HACD2: variants seen among roughly 807,000 people sequenced by gnomAD.
HACD2 encodes the protein very-long-chain (3R)-3-hydroxyacyl-CoA dehydratase 2.
Under a neutral mutation model 31.0 loss-of-function variants are expected in HACD2, and 15 were observed. That is an observed-to-expected ratio of 0.48 (90% CI 0.32 to 0.75). The LOEUF is 0.75. HACD2 is among the 30% of genes least tolerant of loss of function. The pLI is 0.03. For missense variants in HACD2, 283 were observed against 313.0 expected (o/e 0.90, Z 0.72); for synonymous variants, 115 against 122.2 (o/e 0.94, Z 0.39).
At chr3:123,551,034 T>C (rs780524063) in intron 3 of HACD2, among the ~76,000 whole-genome samples, 1 of 152,124 alleles carries the variant, frequency 6.6e-6, no homozygotes, top group Non-Finnish European at 1.5e-5. Flanking sequence ...GTGGCAGCAA[T>C]GTCCTCAAGT....
At chr3:123,545,343 G>A (rs1033040148) in intron 3 of HACD2, among the ~76,000 whole-genome samples, 7 of 151,208 alleles carry the variant, frequency 4.6e-5, no homozygotes, top group Admixed American at 1.3e-4. Context: ...TTAGCTGTGC[G>A]TGGTGGCACA....
At chr3:123,520,247 C>A (rs906464441) in intron 4 of HACD2, among the ~76,000 whole-genome samples, 2 of 152,146 alleles carry the variant, frequency 1.3e-5, no homozygotes, top group Admixed American at 6.5e-5. Context: ...TTAAGGAATA[C>A]AACATACCAA....
chr3:123,543,008 A>G (rs368148845), intron 3 of HACD2, among the ~76,000 whole-genome samples: 2 of 152,294 alleles, frequency 1.3e-5, no homozygotes. Flanking sequence ...TGTTTGGGGG[A>G]AGGGTGTGTG....
intron 3 of HACD2, among the ~76,000 whole-genome samples, chr3:123,552,207 A>G (rs2056627153): frequency 6.6e-6 from 1 of 152,192 alleles, no homozygotes; most frequent in South Asian, 2.1e-4. Context: ...ACCACAGGGA[A>G]GAGACAGAGT....
chr3:123,539,335 C>T (rs1226903894), intron 3 of HACD2, among the ~76,000 whole-genome samples: 2 of 151,982 alleles, frequency 1.3e-5, no homozygotes, highest in East Asian at 1.9e-4. Context: ...TTTGGGAGGC[C>T]GAGGTGGGCA....
At chr3:123,559,145 C>T (rs1035213523) in intron 3 of HACD2, among the ~76,000 whole-genome samples, 1 of 152,164 alleles carries the variant, frequency 6.6e-6, no homozygotes, top group Non-Finnish European at 1.5e-5. Context: ...TTGCTCATTC[C>T]TCAGTTTCAG....
At chr3:123,556,787 T>TGAGCAAA (rs1238269559) in intron 3 of HACD2, among the ~76,000 whole-genome samples, 1 of 151,964 alleles carries the variant, frequency 6.6e-6, no homozygotes, top group Non-Finnish European at 1.5e-5. Flanking sequence ...AACTGAAAAA[T>TGAGCAAA]GAGCAAAGAC....
rs117469061 is a variant in HACD2, at chr3:123,550,836, T to C, written c.292+16926A>G. 4.3e-4 allele frequency among the ~76,000 whole-genome samples: 65 copies of C among 152,220 alleles called. No homozygotes were observed. In the East Asian group the frequency reaches 0.011, roughly 25 times the overall value. The stretch of plus-strand genomic sequence containing the variant: ...GCTGTGGGAAGGTACAGTGGCACCA[T>C]ACAGGGAGACTGCAGAGGGGAAGAG... On this transcript the variant is annotated intron_variant, in intron 3 of 6. Coordinates refer to ENST00000383657, the MANE Select transcript of HACD2 (RefSeq NM_198402.5).
chr3:123,494,764 T>G lies in HACD2; in HGVS notation c.*124A>C. On this transcript the variant is annotated 3_prime_UTR_variant, in exon 7 of 7. Transcript: ENST00000383657. ...TGACACTGGATTTTTGTTTTAGTTT[T>G]GTTTGAATATTTTAAAAATAGTTCT... 1.4e-6 allele frequency: 1 copy of G among 721,276 alleles called. No homozygotes were observed. The highest frequency in any genetic ancestry group is 2.4e-6 in the Non-Finnish European group (1 of 422,448). The allele number at this position is 721,276 out of a possible 1,614,324, so 44.7% of individuals were successfully genotyped here. A position where few individuals can be genotyped will look rare whatever the true frequency, so the allele number is the denominator to read the frequency against.
At chr3:123,571,133 T>C (rs1048574589) in intron 2 of HACD2, among the ~76,000 whole-genome samples, 2 of 152,364 alleles carry the variant, frequency 1.3e-5, no homozygotes, top group African/African-American at 4.8e-5. Flanking sequence ...CTAGAAATGC[T>C]GTAATGCTTA....
At chr3:123,521,814 T>C (rs1232735760) in intron 4 of HACD2, among the ~76,000 whole-genome samples, 1 of 152,218 alleles carries the variant, frequency 6.6e-6, no homozygotes, top group Non-Finnish European at 1.5e-5. Context: ...AAGTACAGTA[T>C]AAAGTGGTGG....
chr3:123,533,807 C>A (rs1216353552), intron 3 of HACD2, among the ~76,000 whole-genome samples: 1 of 152,242 alleles, frequency 6.6e-6, no homozygotes, highest in South Asian at 2.1e-4. Flanking sequence ...TAGCGTAGTT[C>A]TCAAAAATAA....
chr3:123,576,751 T>C (rs939309286), intron 2 of HACD2, among the ~76,000 whole-genome samples: 2 of 152,048 alleles, frequency 1.3e-5, no homozygotes, highest in Admixed American at 6.6e-5. Flanking sequence ...GCACAATACC[T>C]CCATGGCAAA....
At chr3:123,545,381 C>T (rs2107725194) in intron 3 of HACD2, among the ~76,000 whole-genome samples, 1 of 151,146 alleles carries the variant, frequency 6.6e-6, no homozygotes, top group East Asian at 1.9e-4. Flanking sequence ...ACTCAGGAGG[C>T]TGAGGTGGCA....
intron 3 of HACD2, among the ~76,000 whole-genome samples, chr3:123,563,010 GT>G: frequency 6.6e-6 from 1 of 152,236 alleles, no homozygotes; most frequent in African/African-American, 2.4e-5. Context: ...TTTGAAATAA[GT>G]TTTGGAAATT....
At chr3:123,540,235 C>T (rs9849778) in intron 3 of HACD2, among the ~76,000 whole-genome samples, 21,697 of 152,060 alleles carry the variant, frequency 0.14, 2,183 homozygotes, top group African/African-American at 0.28. Flanking sequence ...CCATTTCAGA[C>T]GGCCAGCTGT....
intron 3 of HACD2, among the ~76,000 whole-genome samples, chr3:123,543,215 T>C (rs2056515448): frequency 6.6e-6 from 1 of 152,206 alleles, no homozygotes; most frequent in African/African-American, 2.4e-5. Context: ...TAATGAAGTA[T>C]TGGTAGCTGA....
chr3:123,573,086 T>C (rs2056872409), intron 2 of HACD2, among the ~76,000 whole-genome samples: 2 of 152,170 alleles, frequency 1.3e-5, no homozygotes. Context: ...ACGACACTTG[T>C]TTTACGGTGC....
At chr3:123,582,072 C>T (rs2056971790) in intron 2 of HACD2, 140 bp downstream of exon 2, 3 of 453,036 alleles carry the variant, frequency 6.6e-6, no homozygotes, top group African/African-American at 2.0e-5. Context: ...GCCTAGGTAT[C>T]AACACTTTAG....
Sources: allele counts gnomAD v4.1 joint callset (sites outside exome capture counted in the v4.1 genomes callset), GRCh38; gene constraint gnomAD v4.1.1; transcripts MANE v1.5; gene names NCBI Gene and HGNC (gene_info 2026-07-23, HGNC 2026-07-21).